Variants in LIN28B observed in about 807,000 individuals in gnomAD.
The protein encoded by LIN28B is lin-28 RNA binding posttranscriptional regulator B.
In LIN28B, 5 loss-of-function variants were observed where a neutral mutation model predicts 21.9. The ratio of observed to expected loss-of-function variants is 0.23; its 90% CI spans 0.12 to 0.48. The LOEUF (loss-of-function observed/expected upper bound fraction) is 0.48. LIN28B is among the 20% of genes least tolerant of loss of function. LIN28B has a pLI of 0.98. For missense variants in LIN28B, 245 were observed against 310.5 expected (o/e 0.79, Z 1.58); for synonymous variants, 109 against 111.3 (o/e 0.98, Z 0.13).
intron 2 of LIN28B, among the ~76,000 whole-genome samples, chr6:104,948,172 A>G (rs1778179994): frequency 6.6e-6 from 1 of 152,200 alleles, no homozygotes. Flanking sequence ...TTTTAACAAA[A>G]TGTATTAAAT....
intron 2 of LIN28B, among the ~76,000 whole-genome samples, chr6:104,949,718 A>T (rs1020578691): frequency 6.6e-6 from 1 of 152,290 alleles, no homozygotes; most frequent in Admixed American, 6.5e-5. Flanking sequence ...ATAATTTAGT[A>T]GTCACCAGGA....
At chr6:105,017,842 T>G (rs76139329) in intron 2 of LIN28B, among the ~76,000 whole-genome samples, 1 of 152,172 alleles carries the variant, frequency 6.6e-6, no homozygotes, top group African/African-American at 2.4e-5. Context: ...CTCAGCGTCA[T>G]GCAGTATACC....
chr6:105,036,730 TA>T (rs1438565540), intron 3 of LIN28B, among the ~76,000 whole-genome samples: 1 of 152,136 alleles, frequency 6.6e-6, no homozygotes, highest in Non-Finnish European at 1.5e-5. Flanking sequence ...TAATAAATAA[TA>T]AAATAATGCC....
intron 3 of LIN28B, among the ~76,000 whole-genome samples, chr6:105,046,685 C>T (rs1771772855): frequency 6.6e-6 from 1 of 152,070 alleles, no homozygotes. Context: ...CCTGTTGTTT[C>T]CTGACTTTTT....
chr6:105,051,857 G>T (rs956805644), intron 3 of LIN28B, among the ~76,000 whole-genome samples: 2 of 152,182 alleles, frequency 1.3e-5, no homozygotes, highest in African/African-American at 4.8e-5. Flanking sequence ...CTGGAGCACA[G>T]ATTTTAGAAT....
At chr6:105,066,606 G>T (rs1772224954) in intron 3 of LIN28B, among the ~76,000 whole-genome samples, 1 of 152,072 alleles carries the variant, frequency 6.6e-6, no homozygotes, top group Admixed American at 6.5e-5. Context: ...GATAAAATGT[G>T]AGCTAGTCAC....
chr6:104,995,314 T>A (rs364663), intron 2 of LIN28B, among the ~76,000 whole-genome samples: 72,724 of 151,852 alleles, frequency 0.48, 19,302 homozygotes, highest in East Asian at 0.69. Flanking sequence ...TTGTAGAGGG[T>A]GAGAGAGGAG....
Position 105,026,321 on chromosome 6 carries a change from T to C in LIN28B, c.222T>C (p.Phe74=), listed in dbSNP as rs1412378604. ...AGAGCAAACTATTCATGGAAGGATT[T>C]AGAAGCCTAAAAGAAGGAGAACCAG... is the stretch of plus-strand genomic sequence containing the variant. ...VHQSKLFMEG[F]RSLKEGEPVE... The change falls in exon 3 of 4, where the codon TTT becomes TTC. Residue 74 remains phenylalanine (F), a synonymous_variant. Coordinates refer to ENST00000345080, the MANE Select transcript of LIN28B (RefSeq NM_001004317.4). 1.2e-5 allele frequency: 20 copies of C among 1,609,048 alleles called. No homozygotes were observed. Among genetic ancestry groups the C allele is most frequent in the Non-Finnish European group, 1.6e-5 (19 of 1,178,038 alleles).
intron 2 of LIN28B, among the ~76,000 whole-genome samples, chr6:105,009,229 T>G (rs148922458): frequency 6.6e-6 from 1 of 152,180 alleles, no homozygotes; most frequent in African/African-American, 2.4e-5. Flanking sequence ...AAGTTTTGTG[T>G]TAGGGATTCC....
intron 2 of LIN28B, among the ~76,000 whole-genome samples, chr6:104,991,158 C>T (rs1315075025): frequency 3.0e-4 from 39 of 130,894 alleles, no homozygotes; most frequent in African/African-American, 1.0e-3. Flanking sequence ...GCCCCCCCAC[C>T]TCCCGGACAG....
chr6:104,999,996 C>T (rs889174747), intron 2 of LIN28B, among the ~76,000 whole-genome samples: 2 of 152,070 alleles, frequency 1.3e-5, no homozygotes, highest in Non-Finnish European at 2.9e-5. Flanking sequence ...ATTTCCTTGG[C>T]ACTCCTTTTG....
At chr6:105,027,400 T>A (rs1431909817) in intron 3 of LIN28B, among the ~76,000 whole-genome samples, 2 of 152,084 alleles carry the variant, frequency 1.3e-5, no homozygotes, top group African/African-American at 2.4e-5. Flanking sequence ...TTGATTACTT[T>A]GGAGGTTGAA....
chr6:104,993,996 T>C (rs2114276080), intron 2 of LIN28B, among the ~76,000 whole-genome samples: 1 of 152,212 alleles, frequency 6.6e-6, no homozygotes, highest in East Asian at 1.9e-4. Context: ...ATACCAGTTC[T>C]TGATAAAAAT....
intron 2 of LIN28B, among the ~76,000 whole-genome samples, chr6:105,024,444 A>G (rs930084583): frequency 6.6e-6 from 1 of 152,166 alleles, no homozygotes; most frequent in African/African-American, 2.4e-5. Flanking sequence ...TTGAGTGGAG[A>G]GGGAGAAAGG....
intron 3 of LIN28B, among the ~76,000 whole-genome samples, chr6:105,066,148 G>T (rs1772214907): frequency 6.6e-6 from 1 of 152,162 alleles, no homozygotes; most frequent in African/African-American, 2.4e-5. Flanking sequence ...ACTCCAGTCT[G>T]GGTGACACAG....
At chr6:105,011,176 A>G (rs1770915255) in intron 2 of LIN28B, among the ~76,000 whole-genome samples, 1 of 152,054 alleles carries the variant, frequency 6.6e-6, no homozygotes, top group Non-Finnish European at 1.5e-5. Context: ...AGTTTCCCTA[A>G]CTAACATCAG....
chr6:105,016,921 A>G (rs1771040429), intron 2 of LIN28B, among the ~76,000 whole-genome samples: 1 of 151,806 alleles, frequency 6.6e-6, no homozygotes, highest in Admixed American at 6.6e-5. Flanking sequence ...AAACAAAAAA[A>G]AAACAGCTGG....
intron 2 of LIN28B, among the ~76,000 whole-genome samples, chr6:105,009,856 A>G (rs112288685): frequency 1.3e-5 from 2 of 152,330 alleles, no homozygotes; most frequent in African/African-American, 4.8e-5. Flanking sequence ...CTCAGCAGCC[A>G]AGAGTATAGT....
At chr6:104,959,065 T>C (rs1406974194) in intron 2 of LIN28B, among the ~76,000 whole-genome samples, 1 of 152,332 alleles carries the variant, frequency 6.6e-6, no homozygotes, top group East Asian at 1.9e-4. Context: ...AAAGATGTTT[T>C]AATACCAAAC....
Sources: gnomAD v4.1 joint callset for allele counts (sites outside exome capture counted in the v4.1 genomes callset) on GRCh38, gnomAD v4.1.1 for gene constraint, MANE v1.5 for transcripts, NCBI Gene and HGNC (gene_info 2026-07-23, HGNC 2026-07-21) for gene names.